The following CPE variants were observed in gnomAD, a reference collection of about 807,000 sequenced individuals.
CPE encodes the protein carbocypeptidase E.
In CPE, 17 loss-of-function variants were observed where a neutral mutation model predicts 53.5. The ratio of observed to expected loss-of-function variants is 0.32; its 90% CI spans 0.22 to 0.48. The LOEUF (loss-of-function observed/expected upper bound fraction) is 0.48. Ranked by LOEUF, CPE falls within the 20% of genes least tolerant of loss-of-function variation. The pLI is 0.99. For synonymous variants in CPE, 226 were observed against 228.8 expected (o/e 0.99, Z 0.11); for missense variants, 524 against 614.7 (o/e 0.85, Z 1.56).
intron 1 of CPE, among the ~76,000 whole-genome samples, chr4:165,390,613 AATTGTCTCCCC>A (rs1459481140): frequency 8.5e-5 from 13 of 152,178 alleles, no homozygotes; most frequent in African/African-American, 2.7e-4. Context: ...AAATACTTAG[AATTGTCTCCCC>A]ATTGTCCATA....
chr4:165,432,767 A>C (rs1178096946), intron 1 of CPE, among the ~76,000 whole-genome samples: 1 of 151,946 alleles, frequency 6.6e-6, no homozygotes, highest in Non-Finnish European at 1.5e-5. Context: ...CTCTCTGTTC[A>C]TCTTTGTTTC....
intron 1 of CPE, among the ~76,000 whole-genome samples, chr4:165,450,027 ATAG>A (rs1413062577): frequency 6.6e-6 from 1 of 152,192 alleles, no homozygotes; most frequent in Non-Finnish European, 1.5e-5. Flanking sequence ...ACATTTTGAG[ATAG>A]TAGATAAAGT....
At chr4:165,431,062 T>C (rs1376644079) in intron 1 of CPE, among the ~76,000 whole-genome samples, 1 of 152,228 alleles carries the variant, frequency 6.6e-6, no homozygotes, top group Non-Finnish European at 1.5e-5. Flanking sequence ...GCCCCATTCC[T>C]AGAGACTTTC....
intron 1 of CPE, among the ~76,000 whole-genome samples, chr4:165,435,284 A>T (rs1000686279): frequency 6.6e-6 from 1 of 152,240 alleles, no homozygotes; most frequent in African/African-American, 2.4e-5. Context: ...ATGATAAAGG[A>T]CCATGACTTT....
In CPE at chr4:165,497,873, C is replaced by A; in HGVS notation, c.*263C>A. The stretch of plus-strand genomic sequence containing the variant: ...AAAAGATTTAAGTAATTTTGCCATC[C>A]TAGGCTTAAATGCAATATTCCTGGT... On this transcript the variant is annotated 3_prime_UTR_variant, in exon 9 of 9. Transcript: ENST00000402744. 1 of 202,960 alleles carries A rather than the reference C, an allele frequency of 4.9e-6. No individual in the cohort carries two copies. The highest frequency in any genetic ancestry group is 5.9e-5 in the Admixed American group (1 of 16,944). 12.6% of individuals were successfully genotyped at this position (202,960 alleles called of 1,614,324 possible). A position where few individuals can be genotyped will look rare whatever the true frequency, so the allele number is the denominator to read the frequency against.
intron 1 of CPE, among the ~76,000 whole-genome samples, chr4:165,396,870 C>T (rs1023765530): frequency 1.4e-5 from 2 of 140,976 alleles, no homozygotes; most frequent in Admixed American, 7.3e-5. Context: ...AGCAACATGG[C>T]GAAACCCTGT....
chr4:165,495,778 T>C, intron 8 of CPE, 101 bp downstream of exon 8: 1 of 736,182 alleles, frequency 1.4e-6, no homozygotes, highest in South Asian at 2.4e-5. Context: ...GTACTAGCCC[T>C]ATGAGGTAGG....
intron 1 of CPE, among the ~76,000 whole-genome samples, chr4:165,417,944 C>A (rs1436377962): frequency 2.6e-5 from 4 of 152,028 alleles, no homozygotes; most frequent in Non-Finnish European, 5.9e-5. Flanking sequence ...TCTGTGTGGG[C>A]ACATTTCACT....
rs1171848558 is a variant in CPE at position 165,379,343 on chromosome 4, G to A, written c.122G>A (p.Arg41Gln). ...CCCGCGGCGGGCATGAGGCGGCGCC[G>A]GCGGCTGCAGCAAGAGGACGGCATC... ...GAPAAGMRRR[R>Q]RLQQEDGISF... The change falls in exon 1 of 9, where the codon CGG becomes CAG. Residue 41 changes from arginine to glutamine, a missense_variant. Arg to Gln is a conservative substitution (Grantham distance 43, BLOSUM62 1). Transcript: ENST00000402744. This position sits in a 1 kb window ranked among gnomAD's most constrained non-coding sequence, Gnocchi z 6.0. 9 of 1,585,232 alleles carry A rather than the reference G, an allele frequency of 5.7e-6. No homozygotes were observed. Among genetic ancestry groups the A allele is most frequent in the African/African-American group, 1.3e-5 (1 of 74,512 alleles).
At chr4:165,408,866 A>C (rs1462499966) in intron 1 of CPE, among the ~76,000 whole-genome samples, 1 of 152,252 alleles carries the variant, frequency 6.6e-6, no homozygotes, top group African/African-American at 2.4e-5. Flanking sequence ...AGAATAATAT[A>C]AAGACAATAG....
chr4:165,387,654 C>CA lies in CPE; in HGVS notation c.307+8131dup, dbSNP rs1173719901. Among the ~76,000 whole-genome samples the CA allele has an allele frequency of 7.9e-5, 12 of 151,096 alleles. No homozygotes were observed. The East Asian group carries it at 1.6e-3, about 20-fold the overall frequency. On this transcript the variant is annotated intron_variant, in intron 1 of 8. Coordinates refer to ENST00000402744, the MANE Select transcript of CPE (RefSeq NM_001873.4). Reference sequence around the variant, plus strand: ...TGAAACCCCGTCTCTACTAAAAATACAAAAATTAGCCAGCCGTGGTGGCAC... The same window carrying CA: ...TGAAACCCCGTCTCTACTAAAAATACAAAAAATTAGCCAGCCGTGGTGGCAC...
At chr4:165,485,557 T>C (rs1732493209) in intron 5 of CPE, among the ~76,000 whole-genome samples, 1 of 152,186 alleles carries the variant, frequency 6.6e-6, no homozygotes, top group African/African-American at 2.4e-5. Context: ...AAATATGATC[T>C]ATGTCAAATT....
At chr4:165,423,939 C>T (rs1171513658) in intron 1 of CPE, among the ~76,000 whole-genome samples, 2 of 151,604 alleles carry the variant, frequency 1.3e-5, no homozygotes, top group African/African-American at 4.9e-5. Context: ...TGATGATTTC[C>T]AATTTCATCC....
chr4:165,431,390 T>C (rs1731407103), intron 1 of CPE, among the ~76,000 whole-genome samples: 1 of 152,142 alleles, frequency 6.6e-6, no homozygotes, highest in Non-Finnish European at 1.5e-5. Flanking sequence ...CGTCCTTTTG[T>C]ACATGAGAGG....
At chr4:165,468,196 C>A (rs1329276432) in intron 3 of CPE, among the ~76,000 whole-genome samples, 2 of 152,166 alleles carry the variant, frequency 1.3e-5, no homozygotes, top group Admixed American at 1.3e-4. Context: ...TTTTCCAGAA[C>A]TTTCTCCTCC....
In CPE at chr4:165,464,451, G is replaced by T; in HGVS notation, c.369G>T (p.Leu123=). ...GGAATGAGGCTGTTGGACGAGAACT[G>T]CTCATTTTCTTGGCCCAGTACCTAT... ...MHGNEAVGRE[L]LIFLAQYLCN... is the part of the protein sequence containing the mutation. The change falls in exon 2 of 9, where the codon CTG becomes CTT. Residue 123 remains leucine, a synonymous_variant. Transcript: ENST00000402744. 1 of 1,613,656 alleles carries T rather than the reference G, an allele frequency of 6.2e-7. No homozygotes were observed. The highest frequency in any genetic ancestry group is 8.5e-7 in the Non-Finnish European group (1 of 1,179,788).
intron 1 of CPE, among the ~76,000 whole-genome samples, chr4:165,434,462 C>T (rs937600372): frequency 1.3e-5 from 2 of 152,072 alleles, no homozygotes; most frequent in African/African-American, 4.8e-5. Context: ...TAGGTTGAAC[C>T]ACATGAAACT....
intron 1 of CPE, chr4:165,404,936 C>T (rs1337807613): frequency 1.3e-6 from 1 of 759,300 alleles, no homozygotes; most frequent in African/African-American, 1.7e-5. Context: ...AGATGTGTTA[C>T]TAGCAAAGAC....
chr4:165,413,190 G>A (rs1435179949), intron 1 of CPE, among the ~76,000 whole-genome samples: 3 of 152,110 alleles, frequency 2.0e-5, no homozygotes, highest in Non-Finnish European at 4.4e-5. Context: ...CTTCTTAAGT[G>A]GCTATTCTTG....
Sources: gnomAD v4.1 joint callset for allele counts (sites outside exome capture counted in the v4.1 genomes callset) on GRCh38, gnomAD v4.1.1 for gene constraint, Gnocchi (gnomAD v3.1) non-coding constraint, MANE v1.5 for transcripts, NCBI Gene and HGNC (gene_info 2026-07-23, HGNC 2026-07-21) for gene names.